The following VEPH1 variants were observed in gnomAD, a reference collection of about 807,000 sequenced individuals.
VEPH1 encodes the protein ventricular zone-expressed PH domain-containing protein homolog 1.
Under a neutral mutation model 85.2 loss-of-function variants are expected in VEPH1, and 80 were observed. The ratio of observed to expected loss-of-function variants is 0.94; its 90% confidence interval spans 0.78 to 1.13. The LOEUF is 1.13. VEPH1 is among the 50% of genes most tolerant of loss of function. The pLI, the probability that VEPH1 is intolerant of heterozygous loss-of-function variation, is 0.00. For missense variants in VEPH1, 955 were observed against 980.5 expected, an observed-to-expected ratio of 0.97 and a Z score of 0.35; for synonymous variants, 297 against 348.0, an observed-to-expected ratio of 0.85 and a Z score of 1.63.
At chr3:157,357,262 A>G (rs1025809351) in intron 9 of VEPH1, among the ~76,000 whole-genome samples, 1 of 152,092 alleles carries the variant, frequency 6.6e-6, no homozygotes, top group Non-Finnish European at 1.5e-5. Flanking sequence ...GGTGGATACT[A>G]TATTAGGGGA....
At chr3:157,346,471 T>C (rs1724234282) in intron 9 of VEPH1, among the ~76,000 whole-genome samples, 1 of 152,246 alleles carries the variant, frequency 6.6e-6, no homozygotes, top group Non-Finnish European at 1.5e-5. Flanking sequence ...TGAAATTAGA[T>C]GGCTTCTCTT....
At chr3:157,462,243 G>T (rs2109380300) in intron 3 of VEPH1, among the ~76,000 whole-genome samples, 1 of 151,940 alleles carries the variant, frequency 6.6e-6, no homozygotes, top group African/African-American at 2.4e-5. Context: ...TTTGCTCTGG[G>T]TTCTGATTAC....
At chr3:157,405,138 T>C (rs1442306084) in intron 6 of VEPH1, among the ~76,000 whole-genome samples, 1 of 152,152 alleles carries the variant, frequency 6.6e-6, no homozygotes, top group African/African-American at 2.4e-5. Context: ...AGTTTGATCC[T>C]GGTCTTGCAG....
intron 9 of VEPH1, among the ~76,000 whole-genome samples, chr3:157,356,884 AC>A (rs1725503807): frequency 6.6e-6 from 1 of 152,286 alleles, no homozygotes; most frequent in African/African-American, 2.4e-5. Context: ...ACCATTTTAT[AC>A]TGCACTGCAT....
At chr3:157,391,551 C>T (rs766244457) in intron 6 of VEPH1, among the ~76,000 whole-genome samples, 2 of 152,178 alleles carry the variant, frequency 1.3e-5, no homozygotes, top group Non-Finnish European at 2.9e-5. Flanking sequence ...AGACACTGTG[C>T]AGTCCAAAGA....
chr3:157,261,116 T>C lies in VEPH1; in HGVS notation c.*18A>G, dbSNP rs1297807908. On this transcript the variant is annotated 3_prime_UTR_variant, in exon 14 of 14. Coordinates refer to ENST00000362010, the MANE Select transcript of VEPH1 (RefSeq NM_001167912.2). ...CAATGCCTGTGGTGTATAATTGTCA[T>C]GGCTGACTTATAAATCCCTACAGAT... 1 of 1,591,758 alleles carries C rather than the reference T, an allele frequency of 6.3e-7. No individual in the cohort carries two copies. Among genetic ancestry groups the C allele is most frequent in the East Asian group, 2.3e-5 (1 of 43,476 alleles).
intron 9 of VEPH1, among the ~76,000 whole-genome samples, chr3:157,344,470 A>G (rs1487988298): frequency 1.3e-5 from 2 of 152,238 alleles, no homozygotes; most frequent in Non-Finnish European, 2.9e-5. Context: ...CCAACTTACA[A>G]GGGATGTGAA....
chr3:157,443,166 AG>A, intron 4 of VEPH1: 1 of 665,242 alleles, frequency 1.5e-6, no homozygotes, highest in Admixed American at 3.3e-5. Context: ...CATTGGAAAA[AG>A]CTTTTGAGGA....
intron 11 of VEPH1, among the ~76,000 whole-genome samples, chr3:157,302,986 T>C (rs1257209844): frequency 6.6e-6 from 1 of 152,206 alleles, no homozygotes; most frequent in African/African-American, 2.4e-5. Flanking sequence ...TTCAATGTTT[T>C]ATAGTGAAAT....
chr3:157,461,696 G>A (rs1735888176), intron 3 of VEPH1, among the ~76,000 whole-genome samples: 2 of 152,074 alleles, frequency 1.3e-5, no homozygotes, highest in South Asian at 2.1e-4. Flanking sequence ...CAATAGAAAT[G>A]GGGCAATTGG....
At chr3:157,455,912 G>T (rs780818374) in intron 4 of VEPH1, among the ~76,000 whole-genome samples, 2 of 152,172 alleles carry the variant, frequency 1.3e-5, no homozygotes, top group Non-Finnish European at 2.9e-5. Context: ...CTTTATGATG[G>T]AACAATTTAT....
chr3:157,364,870 A>T (rs1726456714), intron 7 of VEPH1, among the ~76,000 whole-genome samples: 1 of 152,214 alleles, frequency 6.6e-6, no homozygotes, highest in Non-Finnish European at 1.5e-5. Context: ...AAAAATTTAC[A>T]TGTGCTGATA....
At chr3:157,495,106 G>A in intron 2 of VEPH1, 106 bp downstream of exon 2, 1 of 1,140,796 alleles carries the variant, frequency 8.8e-7, no homozygotes, top group Non-Finnish European at 1.2e-6. Context: ...AATATTAGTG[G>A]TATTTCCTCT....
intron 12 of VEPH1, among the ~76,000 whole-genome samples, chr3:157,268,633 G>A (rs1714082281): frequency 6.6e-6 from 1 of 152,100 alleles, no homozygotes; most frequent in South Asian, 2.1e-4. Context: ...ATTCTGGGAG[G>A]TCAAAAATCA....
chr3:157,303,793 A>G (rs1286061663), intron 11 of VEPH1, among the ~76,000 whole-genome samples: 1 of 151,774 alleles, frequency 6.6e-6, no homozygotes, highest in Non-Finnish European at 1.5e-5. Context: ...CACCATTGCC[A>G]CTTAGAAACT....
intron 4 of VEPH1, chr3:157,436,679 C>T (rs1560059785): frequency 5.5e-6 from 2 of 364,148 alleles, no homozygotes; most frequent in East Asian, 1.2e-4. Flanking sequence ...CAGCGTAAAC[C>T]TTTGCGGTTT....
intron 7 of VEPH1, among the ~76,000 whole-genome samples, chr3:157,378,856 C>A (rs935901548): frequency 6.6e-6 from 1 of 152,124 alleles, no homozygotes; most frequent in Non-Finnish European, 1.5e-5. Flanking sequence ...ATCCACCCCC[C>A]TCTTCTTCTT....
At chr3:157,288,317 T>C (rs1319038036) in intron 11 of VEPH1, among the ~76,000 whole-genome samples, 3 of 152,206 alleles carry the variant, frequency 2.0e-5, no homozygotes, top group Non-Finnish European at 4.4e-5. Flanking sequence ...TGTATAGGAA[T>C]AGTTCTTAGA....
At chr3:157,284,188 C>T (rs754607333) in intron 12 of VEPH1, among the ~76,000 whole-genome samples, 1 of 152,196 alleles carries the variant, frequency 6.6e-6, no homozygotes, top group Non-Finnish European at 1.5e-5. Context: ...GAATATTTGA[C>T]ATTGCCATTT....
Sources: gnomAD v4.1 joint callset for allele counts (sites outside exome capture counted in the v4.1 genomes callset) on GRCh38, gnomAD v4.1.1 for gene constraint, MANE v1.5 for transcripts, NCBI Gene and HGNC (gene_info 2026-07-23, HGNC 2026-07-21) for gene names.